Variants in ARSH observed in about 807,000 individuals in gnomAD.
ARSH encodes arylsulfatase family member H.
Under a neutral mutation model 28.7 loss-of-function variants are expected in ARSH, and 32 were observed. That is an observed-to-expected ratio of 1.11 (90% CI 0.84 to 1.50). The LOEUF (loss-of-function observed/expected upper bound fraction) is 1.50, where lower values mean the gene tolerates loss of function less well. Ranked by LOEUF, ARSH falls within the 40% of genes most tolerant of loss-of-function variation. The pLI is 0.00. For missense variants in ARSH, 440 were observed against 452.4 expected (o/e 0.97, Z 0.25); for synonymous variants, 176 against 177.3 (o/e 0.99, Z 0.06).
intron 5 of ARSH, 142 bp from the exon 6 acceptor site, chrX:3,023,879 A>G (rs1256264467): frequency 3.7e-6 from 2 of 538,626 alleles, no homozygotes. Flanking sequence ...TTACAATATT[A>G]TATGATTAAT....
In ARSH at chrX:3,015,018, A is replaced by G; in HGVS notation, c.389A>G (p.Tyr130Cys). 3 of 1,211,420 alleles carry G rather than the reference A, an allele frequency of 2.5e-6. No homozygotes were observed. The highest frequency in any genetic ancestry group is 3.4e-6 in the Non-Finnish European group (3 of 895,435). ...LSCASRNDHC[Y>C]HPLNHGFHYF... ...TGCGCCTCTCGGAATGATCACTGTT[A>G]CCACCCGCTCAACCATGGTTTTCAC... The change falls in exon 4 of 9, where the codon TAC (tyrosine) becomes TGC (cysteine). Residue 130 changes from tyrosine to cysteine, a missense_variant. Tyr to Cys is a radical substitution (Grantham distance 194). Transcript: ENST00000381130.
chrX:3,030,965 C>G (rs1455885962), intron 8 of ARSH, among the ~76,000 whole-genome samples: 3 of 108,853 alleles, frequency 2.8e-5, no homozygotes, highest in African/African-American at 1.0e-4. Flanking sequence ...GCCTGGGCAA[C>G]ATTGCAAGAC....
intron 5 of ARSH, among the ~76,000 whole-genome samples, chrX:3,020,543 T>G (rs755080390): frequency 1.3e-4 from 12 of 92,127 alleles, no homozygotes; most frequent in African/African-American, 1.7e-4. Context: ...GAGCCGAGAT[T>G]GTGCCACTGC....
intron 5 of ARSH, among the ~76,000 whole-genome samples, chrX:3,019,762 C>A (rs1392170571): frequency 1.8e-5 from 2 of 111,146 alleles, no homozygotes; most frequent in African/African-American, 3.3e-5. Context: ...GGGTGTTAAT[C>A]AATCACATTT....
At chrX:3,020,278 A>C (rs1177288950) in intron 5 of ARSH, among the ~76,000 whole-genome samples, 1 of 79,255 alleles carries the variant, frequency 1.3e-5, no homozygotes, top group African/African-American at 4.3e-5. Flanking sequence ...CCGTCTCAAA[A>C]AAAAAAAAAA....
At chrX:3,011,611 GA>G (rs1378636964) in intron 2 of ARSH, among the ~76,000 whole-genome samples, 1 of 111,489 alleles carries the variant, frequency 9.0e-6, no homozygotes, top group African/African-American at 3.3e-5. Flanking sequence ...TAAAAATTAA[GA>G]AAAAAATTAG....
At chrX:3,029,523 GATTTTATTTT>G (rs370741670) in intron 8 of ARSH, among the ~76,000 whole-genome samples, 155 bp downstream of exon 8, 1 of 111,883 alleles carries the variant, frequency 8.9e-6, no homozygotes, top group Non-Finnish European at 1.9e-5. Flanking sequence ...ACTGCAGTAG[GATTTTATTTT>G]ATTTTATTTT....
At chrX:3,018,800 C>T in intron 5 of ARSH, 130 bp downstream of exon 5, 1 of 656,096 alleles carries the variant, frequency 1.5e-6, no homozygotes, top group African/African-American at 2.2e-5. Context: ...CTGTTTCATC[C>T]CTTAATTGGA....
rs2089922249 is a variant in ARSH, at chrX:3,034,034, C to G, written c.*649C>G. Among the ~76,000 whole-genome samples, 1 of 111,699 alleles carries G rather than the reference C, an allele frequency of 9.0e-6. No homozygotes were observed. The highest frequency in any genetic ancestry group is 1.9e-5 in the Non-Finnish European group (1 of 53,227). On this transcript the variant is annotated 3_prime_UTR_variant, in exon 9 of 9. Coordinates refer to ENST00000381130, the MANE Select transcript of ARSH (RefSeq NM_001011719.2). Reference sequence around the variant, plus strand: ...AACCAGTGTCTACTTCACAGAGTAGCTATGAGGATTACATGCATTAATTAA... The same window carrying G: ...AACCAGTGTCTACTTCACAGAGTAGGTATGAGGATTACATGCATTAATTAA...
intron 1 of ARSH, among the ~76,000 whole-genome samples, chrX:3,009,635 C>A (rs2089840677): frequency 9.1e-6 from 1 of 110,021 alleles, no homozygotes; most frequent in Non-Finnish European, 1.9e-5. Flanking sequence ...CCACCCTGGG[C>A]AACAGAGCAA....
At chrX:3,028,690 G>A (rs2089905219) in intron 7 of ARSH, among the ~76,000 whole-genome samples, 1 of 111,764 alleles carries the variant, frequency 8.9e-6, no homozygotes, top group Non-Finnish European at 1.9e-5. Flanking sequence ...CAGGATAATA[G>A]TTCTAGCTGT....
Position 3,034,051 on chromosome X carries a change from A to G in ARSH, c.*666A>G, listed in dbSNP as rs2089922298. Among the ~76,000 whole-genome samples the G allele has an allele frequency of 8.9e-6, 1 of 112,028 alleles. No homozygotes were observed. The highest frequency in any genetic ancestry group is 9.6e-5 in the Admixed American group (1 of 10,421). On this transcript the variant is annotated 3_prime_UTR_variant, in exon 9 of 9. Transcript: ENST00000381130. ...CAGAGTAGCTATGAGGATTACATGC[A>G]TTAATTAATGTGAAATTGCCTTGTG...
chrX:3,014,343 C>T (rs959262103), intron 3 of ARSH, among the ~76,000 whole-genome samples: 4 of 111,370 alleles, frequency 3.6e-5, no homozygotes, highest in Middle Eastern at 4.7e-3. Flanking sequence ...ATAATGTGTG[C>T]GGACAAATCA....
chrX:3,013,700 A>C (rs2089857853), intron 3 of ARSH, among the ~76,000 whole-genome samples: 1 of 110,918 alleles, frequency 9.0e-6, no homozygotes, highest in Non-Finnish European at 1.9e-5. Context: ...TTGTGTGATC[A>C]AATCCTTTTG....
At chrX:3,020,441 G>A (rs1192785150) in intron 5 of ARSH, among the ~76,000 whole-genome samples, 1 of 105,604 alleles carries the variant, frequency 9.5e-6, no homozygotes. Context: ...TAGAAAAAAT[G>A]AGCCGGGCGC....
intron 1 of ARSH, among the ~76,000 whole-genome samples, chrX:3,007,783 A>G (rs2089832617): frequency 9.1e-6 from 1 of 109,297 alleles, no homozygotes; most frequent in Admixed American, 9.9e-5. Flanking sequence ...GGAGGCTGGA[A>G]GTCTGAGATC....
rs899472655 is a variant in ARSH at position 3,008,209 on chromosome X, C to T, written c.92+1505C>T. On this transcript the variant is annotated intron_variant, in intron 1 of 8. Coordinates refer to ENST00000381130, the MANE Select transcript of ARSH (RefSeq NM_001011719.2). ...AATACTTTTTCATTATATACATACA[C>T]CACATTAGTCTACAGTTTTAAAAAT... Among the ~76,000 whole-genome samples, 6 of 112,095 alleles carry T rather than the reference C, an allele frequency of 5.4e-5. No homozygotes were observed. In the East Asian group the frequency reaches 1.4e-3, roughly 26 times the overall value.
At position 3,033,206 on chromosome X, in the gene ARSH, G is replaced by A. The variant is rs1459812465; in HGVS notation, c.1510G>A (p.Asp504Asn). The A allele has an allele frequency of 2.5e-6, 3 of 1,211,407 alleles. No homozygotes were observed. Residue 504 changes from aspartate to asparagine, a missense_variant, in exon 9 of 9, where the codon GAC becomes AAC. Asp to Asn is a conservative substitution (Grantham distance 23). Coordinates refer to ENST00000381130, the MANE Select transcript of ARSH (RefSeq NM_001011719.2). Reference sequence around the variant, plus strand: ...GAACCCTGACAATGAGCCATTATTTGACTCCGTGATCAAAAAGATGGAGGC... The same window carrying A: ...GAACCCTGACAATGAGCCATTATTTAACTCCGTGATCAAAAAGATGGAGGC... ...PLNPDNEPLF[D>N]SVIKKMEAAI... is the part of the protein sequence containing the mutation.
chrX:3,032,080 C>T (rs1213435022), intron 8 of ARSH, among the ~76,000 whole-genome samples: 1 of 111,126 alleles, frequency 9.0e-6, no homozygotes, highest in African/African-American at 3.3e-5. Flanking sequence ...TCGGTATAAT[C>T]CTCATTTACC....
Sources: allele counts gnomAD v4.1 joint callset (sites outside exome capture counted in the v4.1 genomes callset), GRCh38; gene constraint gnomAD v4.1.1; transcripts MANE v1.5; gene names NCBI Gene and HGNC (gene_info 2026-07-23, HGNC 2026-07-21).